The following EPB41L2 variants were observed in gnomAD, a reference collection of about 807,000 sequenced individuals.
The protein encoded by EPB41L2 is erythrocyte membrane protein band 4.1 like 2, also known as band 4.1-like protein 2.
In EPB41L2, 43 loss-of-function variants were observed where a neutral mutation model predicts 113.0. The ratio of observed to expected loss-of-function variants is 0.38; its 90% CI spans 0.30 to 0.49. The LOEUF is 0.49. EPB41L2 is among the 20% of genes least tolerant of loss of function. The pLI, the probability that EPB41L2 is intolerant of heterozygous loss-of-function variation, is 0.95. For synonymous variants in EPB41L2, 442 were observed against 436.7 expected (o/e 1.01, Z -0.15); for missense variants, 1,147 against 1,223.4 (o/e 0.94, Z 0.93).
chr6:130,897,916 G>A (rs1318694610), intron 8 of EPB41L2, among the ~76,000 whole-genome samples: 1 of 151,432 alleles, frequency 6.6e-6, no homozygotes. Context: ...AAAATGAGAT[G>A]GTATGAAAGT....
At chr6:131,016,843 G>C (rs1362387945) in intron 1 of EPB41L2, among the ~76,000 whole-genome samples, 1 of 113,904 alleles carries the variant, frequency 8.8e-6, no homozygotes, top group Non-Finnish European at 1.7e-5. Flanking sequence ...TACTATATTC[G>C]CACACAAAAA....
intron 19 of EPB41L2, among the ~76,000 whole-genome samples, chr6:130,848,330 A>G (rs79325439): frequency 6.6e-6 from 1 of 152,066 alleles, no homozygotes; most frequent in East Asian, 1.9e-4. Context: ...ACTGTCCAAG[A>G]GAAATATACT....
intron 19 of EPB41L2, among the ~76,000 whole-genome samples, chr6:130,848,896 G>A (rs570764896): frequency 1.3e-5 from 2 of 152,288 alleles, no homozygotes; most frequent in South Asian, 2.1e-4. Context: ...TGACAGTTAC[G>A]TTAATGTCTA....
At chr6:130,867,952 ACACACACACACACACACACACT>A (rs1328069173) in intron 15 of EPB41L2, 3 of 156,614 alleles carry the variant, frequency 1.9e-5, no homozygotes, top group African/African-American at 6.3e-5. Flanking sequence ...ACACACACAC[ACACACACACACACACACACACT>A]CTCTCTCTCT....
intron 5 of EPB41L2, among the ~76,000 whole-genome samples, chr6:130,907,349 T>G (rs1032110728): frequency 6.6e-6 from 1 of 152,238 alleles, no homozygotes; most frequent in Non-Finnish European, 1.5e-5. Context: ...ATGTATCTGG[T>G]GTCTACTTAT....
At chr6:130,934,428 CAT>C (rs1411879003) in intron 3 of EPB41L2, among the ~76,000 whole-genome samples, 2 of 152,246 alleles carry the variant, frequency 1.3e-5, no homozygotes, top group East Asian at 1.9e-4. Context: ...AATATACAAA[CAT>C]ATGCATGTAG....
chr6:131,048,507 T>C (rs28482889), intron 1 of EPB41L2, among the ~76,000 whole-genome samples: 52,757 of 152,092 alleles, frequency 0.35, 9,317 homozygotes, highest in Non-Finnish European at 0.38. Flanking sequence ...CCGTAATAAA[T>C]ATGAGCTTTA....
intron 6 of EPB41L2, among the ~76,000 whole-genome samples, chr6:130,903,809 A>C (rs1210211118): frequency 6.6e-6 from 1 of 152,182 alleles, no homozygotes; most frequent in Non-Finnish European, 1.5e-5. Context: ...ACCCAGTCTA[A>C]CTGGGCTAAG....
intron 1 of EPB41L2, among the ~76,000 whole-genome samples, chr6:130,958,657 T>G (rs1327947850): frequency 2.0e-5 from 3 of 152,062 alleles, no homozygotes; most frequent in Non-Finnish European, 4.4e-5. Flanking sequence ...CATGAGAACA[T>G]TCCTCATAAA....
intron 13 of EPB41L2, among the ~76,000 whole-genome samples, chr6:130,879,450 G>C (rs1392723211): frequency 6.6e-6 from 1 of 152,054 alleles, no homozygotes; most frequent in East Asian, 1.9e-4. Flanking sequence ...AGATTACTGA[G>C]AGCTGCAGTT....
intron 1 of EPB41L2, among the ~76,000 whole-genome samples, chr6:131,023,766 T>C (rs6928878): frequency 0.29 from 37,746 of 131,628 alleles, 5,896 homozygotes; most frequent in Non-Finnish European, 0.39. Context: ...GATATATAGA[T>C]ATATAGATAT....
intron 8 of EPB41L2, among the ~76,000 whole-genome samples, chr6:130,895,783 G>A (rs1475666687): frequency 6.6e-6 from 1 of 152,136 alleles, no homozygotes; most frequent in East Asian, 1.9e-4. Flanking sequence ...GTTATTAATA[G>A]TTTTCTTTCC....
At chr6:130,923,044 C>G (rs568943576) in intron 4 of EPB41L2, among the ~76,000 whole-genome samples, 5 of 152,184 alleles carry the variant, frequency 3.3e-5, no homozygotes, top group East Asian at 1.9e-4. Context: ...ACCAACCCCC[C>G]AGTCGAGTCC....
intron 5 of EPB41L2, among the ~76,000 whole-genome samples, chr6:130,907,904 G>A (rs1000732132): frequency 1.3e-5 from 2 of 152,120 alleles, no homozygotes; most frequent in Non-Finnish European, 2.9e-5. Flanking sequence ...GGCACCTGGA[G>A]AAGAGGTTTC....
chr6:130,933,724 T>G (rs1334255758), intron 3 of EPB41L2, among the ~76,000 whole-genome samples: 2 of 152,164 alleles, frequency 1.3e-5, no homozygotes, highest in African/African-American at 4.8e-5. Context: ...GAAGGCAGGC[T>G]GGAATCTGAG....
chr6:130,938,535 G>A (rs1047312814), intron 3 of EPB41L2, among the ~76,000 whole-genome samples: 2 of 152,120 alleles, frequency 1.3e-5, no homozygotes, highest in African/African-American at 2.4e-5. Context: ...AAAGAACCTA[G>A]AATTCAGAAG....
intron 1 of EPB41L2, among the ~76,000 whole-genome samples, chr6:130,965,085 T>C (rs1032810743): frequency 6.6e-6 from 1 of 152,190 alleles, no homozygotes; most frequent in Admixed American, 6.5e-5. Context: ...CCACCCCTCA[T>C]GAATTTTAGT....
intron 14 of EPB41L2, among the ~76,000 whole-genome samples, chr6:130,876,077 G>T (rs981675609): frequency 1.3e-5 from 2 of 151,958 alleles, no homozygotes; most frequent in Admixed American, 1.3e-4. Flanking sequence ...TCCAGTCCCA[G>T]CAAATAACAG....
intron 1 of EPB41L2, among the ~76,000 whole-genome samples, chr6:131,008,551 TCCAGACC>T (rs1040174746): frequency 3.3e-5 from 5 of 152,312 alleles, no homozygotes; most frequent in African/African-American, 9.6e-5. Flanking sequence ...GCCACTGTCC[TCCAGACC>T]CCAGAACGGT....
Sources: gnomAD v4.1 joint callset for allele counts (sites outside exome capture counted in the v4.1 genomes callset) on GRCh38, gnomAD v4.1.1 for gene constraint, MANE v1.5 for transcripts, NCBI Gene and HGNC (gene_info 2026-07-23, HGNC 2026-07-21) for gene names.